Variants in LRMDA observed in about 807,000 individuals in gnomAD.
The protein encoded by LRMDA is leucine rich melanocyte differentiation associated.
A neutral mutation model predicts 29.8 loss-of-function variants in LRMDA; 18 were observed. That is an observed-to-expected ratio of 0.60 (90% CI 0.42 to 0.90). The LOEUF (loss-of-function observed/expected upper bound fraction) is 0.90. Among genes scored for constraint, LRMDA ranks in the 40% least tolerant of loss-of-function variants. The probability of loss-of-function intolerance (pLI) is 0.00; values close to 1 mark genes in which losing one functional copy is unlikely to be tolerated. For synonymous variants in LRMDA, 125 were observed against 109.4 expected, an observed-to-expected ratio of 1.14 and a Z score of -0.89; for missense variants, 273 against 273.9, an observed-to-expected ratio of 1.00 and a Z score of 0.02.
chr10:76,343,813 A>ATTTTT lies in LRMDA; in HGVS notation c.601+19344_601+19348dup, dbSNP rs5786231. ...TATAAAAGTTTCATGTTTACAGGTG[A>ATTTTT]TTTTTTTTTTTTTTTTTTTTGTGAG... On this transcript the variant is annotated intron_variant, in intron 6 of 6. Transcript: ENST00000611255. Among the ~76,000 whole-genome samples the ATTTTT allele has an allele frequency of 3.9e-5, 5 of 126,640 alleles. No individual in the cohort carries two copies. In the East Asian group the frequency reaches 6.9e-4, roughly 17 times the overall value. 83.1% of individuals were successfully genotyped at this position (126,640 alleles called of 152,430 possible).
At chr10:76,501,526 C>G (rs1421916651) in intron 6 of LRMDA, among the ~76,000 whole-genome samples, 3 of 151,958 alleles carry the variant, frequency 2.0e-5, no homozygotes, top group Non-Finnish European at 2.9e-5. Flanking sequence ...GCCTCACCAG[C>G]ATATGTCATT....
At chr10:76,083,677 A>G (rs1849083785) in intron 5 of LRMDA, among the ~76,000 whole-genome samples, 1 of 152,088 alleles carries the variant, frequency 6.6e-6, no homozygotes, top group South Asian at 2.1e-4. Context: ...AAAAAAACAA[A>G]CAAAAAATTA....
intron 5 of LRMDA, among the ~76,000 whole-genome samples, chr10:76,104,740 A>T (rs1350095109): frequency 6.6e-6 from 1 of 152,080 alleles, no homozygotes; most frequent in African/African-American, 2.4e-5. Context: ...GAATTTTTGA[A>T]TAGATGAGTG....
chr10:75,724,941 C>T (rs547353863), intron 2 of LRMDA, among the ~76,000 whole-genome samples: 35 of 152,228 alleles, frequency 2.3e-4, no homozygotes, highest in African/African-American at 7.2e-4. Flanking sequence ...TCTCAAATAT[C>T]GAATATGCAC....
chr10:75,876,325 T>C (rs1359033), intron 2 of LRMDA, among the ~76,000 whole-genome samples: 116,575 of 152,070 alleles, frequency 0.77, 44,992 homozygotes, highest in East Asian at 0.98. Flanking sequence ...AAATGTCACT[T>C]GAGGGAGTGA....
intron 5 of LRMDA, among the ~76,000 whole-genome samples, chr10:76,193,069 C>T (rs1479655863): frequency 6.6e-6 from 1 of 152,072 alleles, no homozygotes; most frequent in Non-Finnish European, 1.5e-5. Context: ...GAGTGGTCAT[C>T]GCTGGACTAA....
intron 2 of LRMDA, among the ~76,000 whole-genome samples, chr10:75,622,991 G>A (rs933557026): frequency 2.0e-5 from 3 of 152,086 alleles, no homozygotes; most frequent in Admixed American, 1.3e-4. Flanking sequence ...TATTAATTAA[G>A]CCGTAATTTT....
At chr10:75,571,488 G>A (rs1361599920) in intron 2 of LRMDA, among the ~76,000 whole-genome samples, 1 of 152,096 alleles carries the variant, frequency 6.6e-6, no homozygotes, top group Non-Finnish European at 1.5e-5. Flanking sequence ...GCTTTTGTTT[G>A]GACATCTCCA....
At chr10:75,890,054 TGCAACCCA>T (rs2132352657) in intron 2 of LRMDA, among the ~76,000 whole-genome samples, 1 of 152,270 alleles carries the variant, frequency 6.6e-6, no homozygotes, top group South Asian at 2.1e-4. Flanking sequence ...TATCCTCTGA[TGCAACCCA>T]GCTCAGGCCC....
chr10:75,755,130 C>T (rs746029688), intron 2 of LRMDA, among the ~76,000 whole-genome samples: 1 of 151,744 alleles, frequency 6.6e-6, no homozygotes, highest in Non-Finnish European at 1.5e-5. Context: ...AAAATAACTT[C>T]TTCTCCTTCC....
At chr10:76,398,058 C>T (rs1841807445) in intron 6 of LRMDA, among the ~76,000 whole-genome samples, 1 of 152,162 alleles carries the variant, frequency 6.6e-6, no homozygotes, top group African/African-American at 2.4e-5. Context: ...CTACTGTTGC[C>T]AGTATGTTTT....
At chr10:76,422,985 A>G (rs528547483) in intron 6 of LRMDA, among the ~76,000 whole-genome samples, 1 of 152,358 alleles carries the variant, frequency 6.6e-6, no homozygotes, top group South Asian at 2.1e-4. Context: ...CAAACCAACA[A>G]AACCCTTTGA....
At chr10:75,679,756 T>C (rs1387886680) in intron 2 of LRMDA, among the ~76,000 whole-genome samples, 1 of 152,218 alleles carries the variant, frequency 6.6e-6, no homozygotes, top group Non-Finnish European at 1.5e-5. Flanking sequence ...CCCCACTAAT[T>C]TAAAGTGTAT....
At chr10:75,973,336 C>T (rs1275558989) in intron 2 of LRMDA, among the ~76,000 whole-genome samples, 1 of 152,124 alleles carries the variant, frequency 6.6e-6, no homozygotes, top group African/African-American at 2.4e-5. Context: ...TTCTCATATG[C>T]CATCATTGTC....
chr10:75,918,648 A>G (rs772476975), intron 2 of LRMDA, among the ~76,000 whole-genome samples: 9 of 152,206 alleles, frequency 5.9e-5, no homozygotes, highest in Non-Finnish European at 1.2e-4. Flanking sequence ...TATCCAAACT[A>G]TATCAACTAT....
intron 6 of LRMDA, among the ~76,000 whole-genome samples, chr10:76,327,458 A>G (rs1234392760): frequency 6.6e-6 from 1 of 152,112 alleles, no homozygotes; most frequent in East Asian, 1.9e-4. Context: ...CACAGCTCCA[A>G]AGGAAACTTG....
rs867099537 is a variant in LRMDA, at chr10:76,108,160, T to G, written c.516+49377T>G. Among the ~76,000 whole-genome samples, 4 of 152,196 alleles carry G rather than the reference T, an allele frequency of 2.6e-5. No homozygotes were observed. The East Asian group carries it at 5.8e-4, about 22-fold the overall frequency. The stretch of plus-strand genomic sequence containing the variant: ...TACTAGCCTTTAAATGTCTGATTAC[T>G]AGAGCCTGGGAATAAAGAGGGACTG... On this transcript the variant is annotated intron_variant, in intron 5 of 6. Coordinates refer to ENST00000611255, the MANE Select transcript of LRMDA (RefSeq NM_001305581.2).
At chr10:76,198,402 T>G (rs797020166) in intron 5 of LRMDA, among the ~76,000 whole-genome samples, 5 of 152,378 alleles carry the variant, frequency 3.3e-5, no homozygotes, top group African/African-American at 1.2e-4. Flanking sequence ...TGGCATTGTT[T>G]GGACAAAGGC....
chr10:76,028,818 CTTT>C (rs1237211316), intron 2 of LRMDA, among the ~76,000 whole-genome samples: 7 of 131,034 alleles, frequency 5.3e-5, no homozygotes, highest in African/African-American at 5.6e-5. Flanking sequence ...TATTCAAAGC[CTTT>C]TTTTTTTTTT....
Sources: gnomAD v4.1 joint callset for allele counts (sites outside exome capture counted in the v4.1 genomes callset) on GRCh38, gnomAD v4.1.1 for gene constraint, MANE v1.5 for transcripts, NCBI Gene and HGNC (gene_info 2026-07-23, HGNC 2026-07-21) for gene names.